Variants in FRMPD4 observed in about 807,000 individuals in gnomAD.
The protein encoded by FRMPD4 is FERM and PDZ domain containing 4.
A neutral mutation model predicts 94.1 loss-of-function variants in FRMPD4; 22 were observed. The ratio of observed to expected loss-of-function variants is 0.23; its 90% CI spans 0.17 to 0.33. The LOEUF (loss-of-function observed/expected upper bound fraction) is 0.33, where lower values mean the gene tolerates loss of function less well. Ranked by LOEUF, FRMPD4 falls within the 10% of genes least tolerant of loss-of-function variation. The pLI, the probability that FRMPD4 is intolerant of heterozygous loss-of-function variation, is 1.00. For missense variants in FRMPD4, 1,111 were observed against 1,339.9 expected (o/e 0.83, Z 2.67); for synonymous variants, 631 against 548.6 (o/e 1.15, Z -2.10).
chrX:11,985,560 A>G (rs1019907278), intron 3 of FRMPD4, among the ~76,000 whole-genome samples: 1 of 112,219 alleles, frequency 8.9e-6, no homozygotes, highest in Non-Finnish European at 1.9e-5. Context: ...CATAGGTACC[A>G]GGCGCTGTGA....
intron 3 of FRMPD4, among the ~76,000 whole-genome samples, chrX:11,921,063 G>T (rs746738700): frequency 8.9e-6 from 1 of 112,139 alleles, no homozygotes; most frequent in Non-Finnish European, 1.9e-5. Context: ...GTCCTATTAC[G>T]TAAGGAGATT....
At chrX:12,664,298 G>A (rs1267200458) in intron 4 of FRMPD4, among the ~76,000 whole-genome samples, 1 of 112,081 alleles carries the variant, frequency 8.9e-6, no homozygotes, top group Non-Finnish European at 1.9e-5. Context: ...TAAAGGGAAT[G>A]CTTCAGCTTT....
intron 1 of FRMPD4, among the ~76,000 whole-genome samples, chrX:12,426,344 A>ATCT (rs1455314488): frequency 1.8e-5 from 2 of 111,254 alleles, no homozygotes; most frequent in African/African-American, 6.6e-5. Flanking sequence ...TGGCCCTCAA[A>ATCT]TCTTCTACTT....
chrX:12,484,135 A>C (rs2057716409), intron 1 of FRMPD4, among the ~76,000 whole-genome samples: 1 of 112,390 alleles, frequency 8.9e-6, no homozygotes, highest in Non-Finnish European at 1.9e-5. Context: ...AGGCAATGAC[A>C]GAAGATATAT....
At chrX:12,307,879 A>G (rs765562342) in intron 1 of FRMPD4, among the ~76,000 whole-genome samples, 6 of 111,447 alleles carry the variant, frequency 5.4e-5, no homozygotes, top group Non-Finnish European at 9.4e-5. Flanking sequence ...AAGCGTTTGG[A>G]TGAGGAGTCA....
At chrX:12,612,950 C>A (rs1282581045) in intron 3 of FRMPD4, among the ~76,000 whole-genome samples, 1 of 111,780 alleles carries the variant, frequency 8.9e-6, no homozygotes, top group Non-Finnish European at 1.9e-5. Flanking sequence ...GGAAGGAAGA[C>A]AAATTTATGC....
chrX:12,285,091 T>A (rs1343737119), intron 1 of FRMPD4, among the ~76,000 whole-genome samples: 1 of 111,855 alleles, frequency 8.9e-6, no homozygotes, highest in Non-Finnish European at 1.9e-5. Context: ...TCTAGAAATT[T>A]GATCAGGTTT....
intron 1 of FRMPD4, among the ~76,000 whole-genome samples, chrX:12,498,281 T>C (rs2057874205): frequency 9.0e-6 from 1 of 111,682 alleles, no homozygotes; most frequent in African/African-American, 3.3e-5. Flanking sequence ...GTCTTGGGCA[T>C]ACATGAGGGC....
chrX:11,945,434 A>G (rs1486169391), intron 3 of FRMPD4, among the ~76,000 whole-genome samples: 2 of 111,927 alleles, frequency 1.8e-5, no homozygotes, highest in Non-Finnish European at 3.8e-5. Context: ...TCATTTTCAT[A>G]TTATTACCAA....
At chrX:12,016,859 C>A (rs2054607262) in intron 3 of FRMPD4, among the ~76,000 whole-genome samples, 1 of 111,762 alleles carries the variant, frequency 8.9e-6, no homozygotes, top group African/African-American at 3.3e-5. Context: ...GGGAAAAGCT[C>A]ACCTTTCCAA....
At chrX:12,119,296 A>C (rs895686436) in intron 3 of FRMPD4, among the ~76,000 whole-genome samples, 1 of 111,485 alleles carries the variant, frequency 9.0e-6, no homozygotes, top group South Asian at 3.8e-4. Flanking sequence ...TAAGTTTAAC[A>C]CCCTAGGGCT....
At chrX:11,836,549 G>T (rs765234617) in intron 1 of FRMPD4, among the ~76,000 whole-genome samples, 6 of 111,531 alleles carry the variant, frequency 5.4e-5, no homozygotes, top group African/African-American at 1.9e-4. Flanking sequence ...ACAAAGATGG[G>T]AGCTAGAGGA....
At chrX:12,493,240 TA>T (rs2057810023) in intron 1 of FRMPD4, among the ~76,000 whole-genome samples, 1 of 111,136 alleles carries the variant, frequency 9.0e-6, no homozygotes, top group Non-Finnish European at 1.9e-5. Context: ...AATACTATCT[TA>T]GGATACCTTG....
intron 1 of FRMPD4, among the ~76,000 whole-genome samples, chrX:12,364,375 G>A (rs1392426438): frequency 9.0e-6 from 1 of 111,441 alleles, no homozygotes; most frequent in African/African-American, 3.3e-5. Flanking sequence ...GTTTTCATGG[G>A]AAGGAACAGG....
At chrX:12,215,558 A>G (rs1320496951) in intron 1 of FRMPD4, among the ~76,000 whole-genome samples, 1 of 111,909 alleles carries the variant, frequency 8.9e-6, no homozygotes, top group Non-Finnish European at 1.9e-5. Context: ...AGCCTTATAC[A>G]TGTTATTTAA....
chrX:12,694,871 T>C (rs961018364), intron 9 of FRMPD4, among the ~76,000 whole-genome samples: 2 of 112,650 alleles, frequency 1.8e-5, no homozygotes, highest in African/African-American at 6.4e-5. Flanking sequence ...AGACATTTTC[T>C]TATACAATTA....
intron 2 of FRMPD4, among the ~76,000 whole-genome samples, chrX:12,540,471 CA>C (rs2058395502): frequency 9.0e-6 from 1 of 111,378 alleles, no homozygotes; most frequent in South Asian, 3.8e-4. Flanking sequence ...TTTAAATCAA[CA>C]AAGATCAAAA....
At chrX:12,138,300 T>G (rs1181270881), upstream of FRMPD4, among the ~76,000 whole-genome samples, 1 of 112,352 alleles carries the variant, frequency 8.9e-6, no homozygotes, top group Non-Finnish European at 1.9e-5. Context: ...CTCCTTCGGC[T>G]TGGGGAGGGA....
In FRMPD4 at chrX:12,365,496, C is replaced by A. The variant is rs763359859; in HGVS notation, c.42-133184C>A. Among the ~76,000 whole-genome samples, 6 of 111,865 alleles carry A rather than the reference C, an allele frequency of 5.4e-5. No homozygotes were observed. The South Asian group carries it at 2.3e-3, about 42-fold the overall frequency. On this transcript the variant is annotated intron_variant, in intron 1 of 16. Coordinates refer to ENST00000675598, the MANE Select transcript of FRMPD4 (RefSeq NM_001368397.1). ...TGAAGTAGTGAGCTTATCATCAGCACCCTTGGCTTCAGTTTTGTGGCTCCT... is the reference window on the plus strand; with the variant it reads ...TGAAGTAGTGAGCTTATCATCAGCAACCTTGGCTTCAGTTTTGTGGCTCCT...
Sources: allele counts gnomAD v4.1 joint callset (sites outside exome capture counted in the v4.1 genomes callset), GRCh38; gene constraint gnomAD v4.1.1; transcripts MANE v1.5; gene names NCBI Gene and HGNC (gene_info 2026-07-23, HGNC 2026-07-21).